Variants in PHF2 observed in about 807,000 individuals in gnomAD.
PHF2 encodes the protein PHD finger protein 2.
PHF2 carries 27 observed loss-of-function variants against 120.5 expected under a neutral mutation model. The ratio of observed to expected loss-of-function variants is 0.22; its 90% CI spans 0.17 to 0.31. PHF2 has a LOEUF of 0.31. Ranked by LOEUF, PHF2 falls within the 10% of genes least tolerant of loss-of-function variation. PHF2 has a pLI of 1.00. For synonymous variants in PHF2, 568 were observed against 592.5 expected (o/e 0.96, Z 0.60); for missense variants, 1,024 against 1,434.8 (o/e 0.71, Z 4.63).
chr9:93,631,319 G>A (rs566481605), intron 2 of PHF2, among the ~76,000 whole-genome samples: 6 of 152,216 alleles, frequency 3.9e-5, no homozygotes, highest in South Asian at 4.1e-4. Context: ...TTCAGGTCTC[G>A]ACCCTATCCC....
At position 93,653,433 on chromosome 9, in the gene PHF2, G is replaced by GTCCCC. The variant is rs139362562; in HGVS notation, c.789+69_789+73dup. 17,150 of 1,522,434 alleles carry GTCCCC rather than the reference G, an allele frequency of 0.011. 1,338 individuals carry two copies. In the African/African-American group the frequency reaches 0.19, roughly 17 times the overall value. 94.3% of individuals were successfully genotyped at this position (1,522,434 alleles called of 1,614,324 possible). ...TGACCCATCTGCAGGATTGTCTGCAGTCCCCACAAGCCCTGATTGGCCAGG... is the reference window on the plus strand; with the variant it reads ...TGACCCATCTGCAGGATTGTCTGCAGTCCCCTCCCCACAAGCCCTGATTGGCCAGG... On this transcript the variant is annotated intron_variant, in intron 6 of 21. Transcript: ENST00000359246.
chr9:93,602,134 G>A (rs1303719677), intron 1 of PHF2, among the ~76,000 whole-genome samples: 3 of 151,852 alleles, frequency 2.0e-5, no homozygotes, highest in Admixed American at 2.0e-4. Context: ...TCCAGTTCAC[G>A]AGTTCTCTGA....
At chr9:93,603,818 A>G (rs1825489343) in intron 1 of PHF2, among the ~76,000 whole-genome samples, 1 of 152,138 alleles carries the variant, frequency 6.6e-6, no homozygotes, top group African/African-American at 2.4e-5. Flanking sequence ...CTCCTCCCAG[A>G]GGCATTCCTC....
At chr9:93,617,756 T>G (rs1164657141) in intron 1 of PHF2, among the ~76,000 whole-genome samples, 2 of 152,148 alleles carry the variant, frequency 1.3e-5, no homozygotes, top group East Asian at 3.9e-4. Flanking sequence ...CTGAAGAATG[T>G]GGAGTCCAGT....
chr9:93,660,783 C>T (rs1458352491), intron 12 of PHF2, among the ~76,000 whole-genome samples: 3 of 152,186 alleles, frequency 2.0e-5, no homozygotes, highest in African/African-American at 7.2e-5. Flanking sequence ...CCAGACCCCC[C>T]AGAGTGGACA....
At chr9:93,583,587 A>T (rs57658553) in intron 1 of PHF2, among the ~76,000 whole-genome samples, 9,787 of 145,504 alleles carry the variant, frequency 0.067, 1,068 homozygotes, top group African/African-American at 0.23. Context: ...TTTTTTTTTT[A>T]AATTAAAGCT....
At chr9:93,587,316 T>TTGAGGGATGATGGAAGAGCCCTGGG (rs1587662597) in intron 1 of PHF2, among the ~76,000 whole-genome samples, 1 of 59,148 alleles carries the variant, frequency 1.7e-5, no homozygotes, top group Non-Finnish European at 3.4e-5. Context: ...GGAGCCCTGG[T>TTGAGGGATGATGGAAGAGCCCTGGG]TGAGGGATGA....
At chr9:93,652,748 G>A (rs776539805) in intron 5 of PHF2, among the ~76,000 whole-genome samples, 2 of 152,220 alleles carry the variant, frequency 1.3e-5, no homozygotes, top group African/African-American at 4.8e-5. Context: ...GCACCCTGTT[G>A]TCAGCTCTGG....
chr9:93,602,247 C>CTTTTTTTTTTTT (rs67001312), intron 1 of PHF2, among the ~76,000 whole-genome samples: 18 of 79,672 alleles, frequency 2.3e-4, no homozygotes, highest in African/African-American at 2.7e-4. Context: ...CCTAGAGATT[C>CTTTTTTTTTTTT]TTTTTTTTTT....
At position 93,659,481 on chromosome 9, in the gene PHF2, G is replaced by A. The variant is rs759357196; in HGVS notation, c.1240-30G>A. 5 of 1,597,104 alleles carry A rather than the reference G, an allele frequency of 3.1e-6. 1 individual carries two copies. The highest frequency in any genetic ancestry group is 4.5e-5 in the East Asian group (2 of 44,820). On this transcript the variant is annotated intron_variant, in intron 10 of 21. Transcript: ENST00000359246. Reference sequence around the variant, plus strand: ...AAGTCAGGACCACGGGAGGTGTCTGGTGCTGACCCTGGGTCCGGTTGTCCT... The same window carrying A: ...AAGTCAGGACCACGGGAGGTGTCTGATGCTGACCCTGGGTCCGGTTGTCCT...
intron 1 of PHF2, among the ~76,000 whole-genome samples, chr9:93,626,350 A>G (rs1825915090): frequency 6.6e-6 from 1 of 152,212 alleles, no homozygotes; most frequent in Non-Finnish European, 1.5e-5. Context: ...GCTTCTTTTC[A>G]TGTGCTTGTT....
chr9:93,611,934 G>A (rs1277493847), intron 1 of PHF2, among the ~76,000 whole-genome samples: 2 of 152,208 alleles, frequency 1.3e-5, no homozygotes, highest in Non-Finnish European at 2.9e-5. Flanking sequence ...GCTGAGCACA[G>A]CCACCAAAGT....
chr9:93,608,962 T>C (rs1160429395), intron 1 of PHF2, among the ~76,000 whole-genome samples: 1 of 151,912 alleles, frequency 6.6e-6, no homozygotes, highest in African/African-American at 2.4e-5. Flanking sequence ...TTGCTCCTGT[T>C]ATTTGTTTTG....
intron 1 of PHF2, among the ~76,000 whole-genome samples, chr9:93,622,151 G>T (rs375694412): frequency 3.3e-4 from 51 of 152,270 alleles, no homozygotes; most frequent in African/African-American, 1.2e-3. Flanking sequence ...GTGAGGCCTG[G>T]GTGGCCAGAG....
chr9:93,676,525 G>A (rs557193701), intron 20 of PHF2, 69 bp from the exon 21 acceptor site: 29 of 1,525,198 alleles, frequency 1.9e-5, no homozygotes, highest in African/African-American at 1.1e-4. Flanking sequence ...AGGCCATGCC[G>A]GGAGCTCCCT....
intron 1 of PHF2, among the ~76,000 whole-genome samples, chr9:93,580,138 A>G (rs543288955): frequency 6.6e-6 from 1 of 152,254 alleles, no homozygotes; most frequent in Non-Finnish European, 1.5e-5. Flanking sequence ...TTCTCGCAAG[A>G]TTCCTCCTCC....
intron 17 of PHF2, among the ~76,000 whole-genome samples, chr9:93,672,943 T>A (rs552738048): frequency 6.6e-6 from 1 of 151,832 alleles, no homozygotes; most frequent in Admixed American, 6.6e-5. Flanking sequence ...CAGGTGTAGA[T>A]GCACGTATGG....
At position 93,593,096 on chromosome 9, in the gene PHF2, A is replaced by AGG. The variant is rs1208630905; in HGVS notation, c.98+16225_98+16226insGG. On this transcript the variant is annotated intron_variant, in intron 1 of 21. Transcript: ENST00000359246. ...TTGTCCTTTATGCCAAAAAAAAAAA[A>AGG]AAAAAAAAAAAAAAAGAAAAAAAAA... 1.0e-4 allele frequency among the ~76,000 whole-genome samples: 11 copies of AGG among 106,956 alleles called. No individual in the cohort carries two copies. In the East Asian group the frequency reaches 1.6e-3, roughly 16 times the overall value. 70.2% of individuals were successfully genotyped at this position (106,956 alleles called of 152,430 possible).
chr9:93,644,112 C>T (rs937748416), intron 3 of PHF2, among the ~76,000 whole-genome samples: 4 of 152,186 alleles, frequency 2.6e-5, no homozygotes, highest in African/African-American at 9.7e-5. Flanking sequence ...CTCGGCTGGG[C>T]GCGGTGGCTC....
Sources: gnomAD v4.1 joint callset for allele counts (sites outside exome capture counted in the v4.1 genomes callset) on GRCh38, gnomAD v4.1.1 for gene constraint, MANE v1.5 for transcripts, NCBI Gene and HGNC (gene_info 2026-07-23, HGNC 2026-07-21) for gene names.